Variants in PITPNC1 observed in about 807,000 individuals in gnomAD.
PITPNC1 encodes the protein phosphatidylinositol transfer protein cytoplasmic 1.
PITPNC1 carries 18 observed loss-of-function variants against 44.7 expected under a neutral mutation model. That is an observed-to-expected ratio of 0.40 (90% CI 0.28 to 0.60). The LOEUF (loss-of-function observed/expected upper bound fraction) is 0.60, where lower values mean the gene tolerates loss of function less well. Ranked by LOEUF, PITPNC1 falls within the 20% of genes least tolerant of loss-of-function variation. PITPNC1 has a pLI of 0.39. For missense variants in PITPNC1, 290 were observed against 418.4 expected (o/e 0.69, Z 2.68); for synonymous variants, 141 against 149.6 (o/e 0.94, Z 0.42).
intron 5 of PITPNC1, among the ~76,000 whole-genome samples, chr17:67,626,177 G>A (rs1198300120): frequency 6.6e-6 from 1 of 151,674 alleles, no homozygotes; most frequent in East Asian, 1.9e-4. Flanking sequence ...ATAGAGACAG[G>A]GTCTTGCTAT....
chr17:67,409,380 G>A (rs955047391), intron 1 of PITPNC1, among the ~76,000 whole-genome samples: 20 of 151,958 alleles, frequency 1.3e-4, no homozygotes, highest in African/African-American at 4.6e-4. Flanking sequence ...CACCGCGCCC[G>A]GCCCCAAATT....
intron 2 of PITPNC1, among the ~76,000 whole-genome samples, chr17:67,535,668 A>T (rs2040517811): frequency 6.6e-6 from 1 of 151,940 alleles, no homozygotes; most frequent in East Asian, 1.9e-4. Flanking sequence ...ATTAATGGGG[A>T]CCCTCCACCA....
At chr17:67,498,996 A>C (rs2949945) in intron 1 of PITPNC1, among the ~76,000 whole-genome samples, 118,027 of 151,608 alleles carry the variant, frequency 0.78, 45,986 homozygotes, top group Middle Eastern at 0.86. Context: ...CTCAGCCTCC[A>C]GAGTAGCTGG....
chr17:67,513,032 G>A (rs1461692476), intron 1 of PITPNC1, among the ~76,000 whole-genome samples: 1 of 151,922 alleles, frequency 6.6e-6, no homozygotes, highest in Non-Finnish European at 1.5e-5. Context: ...ATAATGGGAT[G>A]CACACAATCA....
At chr17:67,547,295 G>A (rs754993311) in intron 2 of PITPNC1, among the ~76,000 whole-genome samples, 1 of 152,124 alleles carries the variant, frequency 6.6e-6, no homozygotes, top group Non-Finnish European at 1.5e-5. Flanking sequence ...TGGGAGGATT[G>A]CTTGAGCCCA....
chr17:67,395,704 C>G (rs1317756403), intron 1 of PITPNC1, among the ~76,000 whole-genome samples: 4 of 152,084 alleles, frequency 2.6e-5, no homozygotes, highest in African/African-American at 9.7e-5. Flanking sequence ...AAAAGTGACG[C>G]AGTGGATGAA....
intron 1 of PITPNC1, among the ~76,000 whole-genome samples, chr17:67,435,722 C>T (rs1394706464): frequency 6.6e-6 from 1 of 151,996 alleles, no homozygotes; most frequent in East Asian, 1.9e-4. Flanking sequence ...TGTGGTGGTG[C>T]ACATCTGTAA....
chr17:67,589,943 G>C (rs1035160921), intron 5 of PITPNC1, among the ~76,000 whole-genome samples: 1 of 152,064 alleles, frequency 6.6e-6, no homozygotes, highest in African/African-American at 2.4e-5. Flanking sequence ...ACTCCAGCCT[G>C]GGTGACAGAG....
intron 2 of PITPNC1, among the ~76,000 whole-genome samples, chr17:67,550,323 G>A (rs567037752): frequency 5.3e-5 from 8 of 152,126 alleles, no homozygotes; most frequent in African/African-American, 1.9e-4. Flanking sequence ...TTTCCTATTT[G>A]TTTTAACCCT....
chr17:67,546,655 C>G (rs1374585719), intron 2 of PITPNC1, among the ~76,000 whole-genome samples: 2 of 152,314 alleles, frequency 1.3e-5, no homozygotes, highest in East Asian at 1.9e-4. Flanking sequence ...CTTCCAGGAA[C>G]CTGCAGGAGG....
chr17:67,636,862 C>T lies in PITPNC1; in HGVS notation c.462+4624C>T, dbSNP rs145917807. On this transcript the variant is annotated intron_variant, in intron 6 of 8. Transcript: ENST00000581322. ...ACTGGCACACTGTAGATAATTAACACCCTCCACCCCACCACAGGAGTTTCC... is the reference window on the plus strand; with the variant it reads ...ACTGGCACACTGTAGATAATTAACATCCTCCACCCCACCACAGGAGTTTCC... 7.2e-5 allele frequency among the ~76,000 whole-genome samples: 11 copies of T among 152,284 alleles called. No homozygotes were observed. In the East Asian group the frequency reaches 2.1e-3, roughly 29 times the overall value.
At chr17:67,515,645 G>A (rs1417236637) in intron 1 of PITPNC1, among the ~76,000 whole-genome samples, 8 of 152,162 alleles carry the variant, frequency 5.3e-5, no homozygotes, top group Non-Finnish European at 7.3e-5. Flanking sequence ...TTTACTGGAC[G>A]AACTCTGAAG....
At chr17:67,521,576 GTTA>G (rs755100161) in intron 1 of PITPNC1, among the ~76,000 whole-genome samples, 22 of 149,650 alleles carry the variant, frequency 1.5e-4, no homozygotes, top group Non-Finnish European at 2.4e-4. Context: ...TTTTTTTTTT[GTTA>G]TTATTTTTTA....
At chr17:67,683,058 G>T (rs1430864460) in intron 8 of PITPNC1, among the ~76,000 whole-genome samples, 2 of 150,896 alleles carry the variant, frequency 1.3e-5, no homozygotes, top group Non-Finnish European at 2.9e-5. Context: ...TACTTGGGAG[G>T]CTAAGGCAGG....
At chr17:67,498,351 T>C (rs555383678) in intron 1 of PITPNC1, among the ~76,000 whole-genome samples, 1 of 152,016 alleles carries the variant, frequency 6.6e-6, no homozygotes, top group African/African-American at 2.4e-5. Flanking sequence ...CCCAGCACTT[T>C]GGGAGGCCGA....
chr17:67,443,588 T>C (rs1209380952), intron 1 of PITPNC1, among the ~76,000 whole-genome samples: 2 of 148,418 alleles, frequency 1.3e-5, no homozygotes, highest in Non-Finnish European at 3.0e-5. Flanking sequence ...AAAAAATCCA[T>C]GAAAAACAAA....
chr17:67,635,901 T>C (rs973475838), intron 6 of PITPNC1, among the ~76,000 whole-genome samples: 4 of 152,166 alleles, frequency 2.6e-5, no homozygotes, highest in Admixed American at 2.0e-4. Flanking sequence ...CTATAGACAT[T>C]CTTGGTTGTC....
chr17:67,651,981 G>GA (rs1439855133), intron 6 of PITPNC1, among the ~76,000 whole-genome samples: 1 of 152,160 alleles, frequency 6.6e-6, no homozygotes, highest in African/African-American at 2.4e-5. Flanking sequence ...AGGATGGAGA[G>GA]AAAAAAATCT....
In PITPNC1 at chr17:67,382,424, T is replaced by C. The variant is rs146931201; in HGVS notation, c.48+4222T>C. ...ATTAATAAAAGTAACATTCCATAGA[T>C]TAATTTTAATTAAAACATTTCATTG... On this transcript the variant is annotated intron_variant, in intron 1 of 8. Coordinates refer to ENST00000581322, the MANE Select transcript of PITPNC1 (RefSeq NM_012417.4). Among the ~76,000 whole-genome samples, 238 of 152,122 alleles carry C rather than the reference T, an allele frequency of 1.6e-3. 4 individuals are homozygous for C. The highest frequency in any genetic ancestry group is 0.012 in the Admixed American group (176 of 15,258).
Sources: gnomAD v4.1 joint callset for allele counts (sites outside exome capture counted in the v4.1 genomes callset) on GRCh38, gnomAD v4.1.1 for gene constraint, MANE v1.5 for transcripts, NCBI Gene and HGNC (gene_info 2026-07-23, HGNC 2026-07-21) for gene names.